The following CSMD1 variants were observed in gnomAD, a reference collection of about 807,000 sequenced individuals.
CSMD1 encodes CUB and sushi domain-containing protein 1.
A neutral mutation model predicts 417.5 loss-of-function variants in CSMD1; 213 were observed. The observed-to-expected ratio is 0.51, with a 90% CI of 0.46 to 0.57. CSMD1 has a LOEUF of 0.57. CSMD1 is among the 20% of genes least tolerant of loss of function. CSMD1 has a pLI of 0.00. For missense variants in CSMD1, 6,923 were observed against 4,529.7 expected (o/e 1.53, Z -15.17); for synonymous variants, 2,862 against 1,736.8 (o/e 1.65, Z -16.11).
At chr8:4,295,374 CTTA>C (rs1407806936) in intron 3 of CSMD1, among the ~76,000 whole-genome samples, 2 of 142,074 alleles carry the variant, frequency 1.4e-5, no homozygotes, top group Admixed American at 7.1e-5. Flanking sequence ...ATATATGTAT[CTTA>C]TTATACACAT....
chr8:3,394,012 TTATATA>T (rs1175905929), intron 17 of CSMD1, among the ~76,000 whole-genome samples: 11 of 31,614 alleles, frequency 3.5e-4, no homozygotes, highest in Middle Eastern at 0.033. Flanking sequence ...AAAAAATAAA[TTATATA>T]TATATATATA....
chr8:3,072,175 G>A (rs1813363348), intron 49 of CSMD1, among the ~76,000 whole-genome samples: 1 of 152,194 alleles, frequency 6.6e-6, no homozygotes, highest in African/African-American at 2.4e-5. Context: ...CGGAGTCTAT[G>A]TCTGCACAGA....
At chr8:3,040,023 A>G (rs913067971) in intron 50 of CSMD1, among the ~76,000 whole-genome samples, 3 of 152,144 alleles carry the variant, frequency 2.0e-5, no homozygotes, top group African/African-American at 7.2e-5. Flanking sequence ...AACCTCAGAG[A>G]TGTCCTTAGA....
chr8:4,109,677 A>C (rs1801751310), intron 3 of CSMD1, among the ~76,000 whole-genome samples: 2 of 152,170 alleles, frequency 1.3e-5, no homozygotes, highest in South Asian at 4.1e-4. Context: ...ATCATTAAAT[A>C]ATTTTCAAGA....
At chr8:4,476,540 A>G (rs1011763171) in intron 2 of CSMD1, among the ~76,000 whole-genome samples, 8 of 152,204 alleles carry the variant, frequency 5.3e-5, no homozygotes, top group Non-Finnish European at 1.2e-4. Flanking sequence ...ATGTATTTAT[A>G]AAACAGAAAG....
At chr8:3,966,098 G>C (rs895620779) in intron 5 of CSMD1, among the ~76,000 whole-genome samples, 1 of 152,164 alleles carries the variant, frequency 6.6e-6, no homozygotes, top group Non-Finnish European at 1.5e-5. Flanking sequence ...GACTACGAAT[G>C]TACTTCATAA....
chr8:4,560,125 C>G (rs1270672664), intron 2 of CSMD1, among the ~76,000 whole-genome samples: 1 of 152,220 alleles, frequency 6.6e-6, no homozygotes, highest in East Asian at 1.9e-4. Context: ...ACCCTCCAAG[C>G]TGCTCCAGGA....
intron 5 of CSMD1, among the ~76,000 whole-genome samples, chr8:3,913,649 AC>A (rs1231398199): frequency 2.0e-5 from 3 of 152,188 alleles, no homozygotes; most frequent in Non-Finnish European, 2.9e-5. Context: ...CAGCATTGAG[AC>A]ATTTGGGTCA....
intron 5 of CSMD1, among the ~76,000 whole-genome samples, chr8:3,994,262 T>A (rs915707134): frequency 5.9e-5 from 9 of 152,078 alleles, no homozygotes; most frequent in Non-Finnish European, 1.2e-4. Context: ...TTATATAAGT[T>A]CATATTTTAA....
intron 4 of CSMD1, among the ~76,000 whole-genome samples, chr8:4,017,199 T>A (rs886622549): frequency 4.6e-5 from 7 of 152,256 alleles, no homozygotes; most frequent in African/African-American, 1.2e-4. Flanking sequence ...TATCTTTTTT[T>A]AAAGTTTTTT....
intron 40 of CSMD1, among the ~76,000 whole-genome samples, chr8:3,147,687 A>G (rs1818925717): frequency 6.6e-6 from 1 of 152,206 alleles, no homozygotes. Context: ...ACAAATTACT[A>G]TAAATCTGAC....
chr8:3,136,121 C>G (rs902937668), intron 41 of CSMD1, among the ~76,000 whole-genome samples: 2 of 152,084 alleles, frequency 1.3e-5, no homozygotes, highest in African/African-American at 4.8e-5. Flanking sequence ...TACATCTAGC[C>G]ACTAATTGAT....
intron 51 of CSMD1, among the ~76,000 whole-genome samples, chr8:3,020,919 G>C (rs1397920452): frequency 6.6e-6 from 1 of 152,190 alleles, no homozygotes; most frequent in African/African-American, 2.4e-5. Flanking sequence ...AAATGTTAAT[G>C]AACTCGAGTA....
At chr8:4,158,217 C>A (rs1036570962) in intron 3 of CSMD1, among the ~76,000 whole-genome samples, 1 of 151,836 alleles carries the variant, frequency 6.6e-6, no homozygotes. Context: ...TATTTTGGCA[C>A]CATTGATGCT....
chr8:3,622,017 G>A (rs78307247), intron 7 of CSMD1, among the ~76,000 whole-genome samples: 7,907 of 151,188 alleles, frequency 0.052, 396 homozygotes, highest in East Asian at 0.29. Flanking sequence ...GTGTGTGTGT[G>A]TTTGAATAGG....
chr8:3,859,025 A>G (rs539043698), intron 5 of CSMD1, among the ~76,000 whole-genome samples: 16 of 152,304 alleles, frequency 1.1e-4, no homozygotes, highest in Non-Finnish European at 2.1e-4. Flanking sequence ...GTGTTCCCTA[A>G]AAGACCTTAT....
intron 2 of CSMD1, among the ~76,000 whole-genome samples, chr8:4,571,749 T>G (rs1282734011): frequency 6.6e-6 from 1 of 152,206 alleles, no homozygotes; most frequent in Non-Finnish European, 1.5e-5. Context: ...CCACTATTAT[T>G]GTGTGGGAGT....
At chr8:3,601,450 G>C (rs1048100568) in intron 8 of CSMD1, among the ~76,000 whole-genome samples, 1 of 152,166 alleles carries the variant, frequency 6.6e-6, no homozygotes, top group Non-Finnish European at 1.5e-5. Context: ...TCTGTATTTA[G>C]TCACCTATCT....
intron 26 of CSMD1, among the ~76,000 whole-genome samples, chr8:3,269,426 C>A (rs947973081): frequency 1.3e-5 from 2 of 152,192 alleles, no homozygotes; most frequent in Admixed American, 1.3e-4. Flanking sequence ...TAAAACAGTC[C>A]CAGCCTGTTC....
Sources: gnomAD v4.1 joint callset for allele counts (sites outside exome capture counted in the v4.1 genomes callset) on GRCh38, gnomAD v4.1.1 for gene constraint, MANE v1.5 for transcripts, NCBI Gene and HGNC (gene_info 2026-07-23, HGNC 2026-07-21) for gene names.